The following LPP variants were observed in gnomAD, a reference collection of about 807,000 sequenced individuals.
The protein encoded by LPP is LIM domain containing preferred translocation partner in lipoma, also known as lipoma-preferred partner.
Under a neutral mutation model 60.4 loss-of-function variants are expected in LPP, and 38 were observed. The ratio of observed to expected loss-of-function variants is 0.63; its 90% CI spans 0.49 to 0.83. The LOEUF (loss-of-function observed/expected upper bound fraction) is 0.83. LPP is among the 40% of genes least tolerant of loss of function. The pLI is 0.00. For missense variants in LPP, 902 were observed against 783.6 expected (o/e 1.15, Z -1.80); for synonymous variants, 328 against 290.8 (o/e 1.13, Z -1.30).
At chr3:188,591,224 C>T (rs981983961) in intron 6 of LPP, among the ~76,000 whole-genome samples, 4 of 152,124 alleles carry the variant, frequency 2.6e-5, no homozygotes, top group Non-Finnish European at 2.9e-5. Flanking sequence ...ACTGCCCAAA[C>T]GAAATAAATC....
Position 188,609,294 on chromosome 3 carries a change from C to A in LPP, c.563C>A (p.Ala188Asp). ...STLKPQPAPQ[A>D]GPIPVAPIGT... is the part of the protein sequence containing the mutation. ...TTGAAACCACAGCCTGCACCCCAGG[C>A]TGGACCCATCCCTGTGGCTCCAATC... Residue 188 changes from alanine (A) to aspartate (D), a missense_variant, in exon 7 of 12, where the codon GCT (alanine) becomes GAT (aspartate). Physicochemically the swap from Ala to Asp is moderately radical, Grantham distance 126. Transcript: ENST00000617246. The surrounding 1 kb of genome is among the most constrained non-coding windows in gnomAD (Gnocchi z 6.9). 1 of 1,614,114 alleles carries A rather than the reference C, an allele frequency of 6.2e-7. No homozygotes were observed. Among genetic ancestry groups the A allele is most frequent in the Non-Finnish European group, 8.5e-7 (1 of 1,180,014 alleles).
intron 8 of LPP, among the ~76,000 whole-genome samples, chr3:188,739,858 A>G (rs1382447246): frequency 2.0e-5 from 3 of 152,028 alleles, no homozygotes; most frequent in Non-Finnish European, 4.4e-5. Flanking sequence ...TAATGACACA[A>G]TTTGACTGAG....
At chr3:188,228,626 A>G (rs1402693106) in intron 2 of LPP, among the ~76,000 whole-genome samples, 1 of 152,176 alleles carries the variant, frequency 6.6e-6, no homozygotes, top group African/African-American at 2.4e-5. Context: ...TCTACAACTA[A>G]ACAAACAAAA....
At chr3:188,223,087 A>G (rs1475653714) in intron 1 of LPP, among the ~76,000 whole-genome samples, 2 of 152,156 alleles carry the variant, frequency 1.3e-5, no homozygotes, top group Non-Finnish European at 2.9e-5. Context: ...CAACTCCATC[A>G]TTCCCTTTTG....
At chr3:188,326,606 T>A (rs1477684580) in intron 2 of LPP, among the ~76,000 whole-genome samples, 1 of 152,172 alleles carries the variant, frequency 6.6e-6, no homozygotes, top group Non-Finnish European at 1.5e-5. Flanking sequence ...ATAGTTAAAG[T>A]GGTTGTACTT....
chr3:188,798,716 A>G (rs536606936), intron 9 of LPP, among the ~76,000 whole-genome samples: 4 of 152,342 alleles, frequency 2.6e-5, no homozygotes, highest in Non-Finnish European at 5.9e-5. Context: ...ACCTTAATTA[A>G]TGTAGCCATA....
At chr3:188,534,797 T>C (rs1478989670) in intron 6 of LPP, among the ~76,000 whole-genome samples, 1 of 152,188 alleles carries the variant, frequency 6.6e-6, no homozygotes, top group Admixed American at 6.5e-5. Flanking sequence ...AGACAGAAGG[T>C]TGGAGGTGGT....
chr3:188,887,057 GTT>G lies in LPP; in HGVS notation c.*12579_*12580del, dbSNP rs1357731912. ...TTCTTGGTCATTATTGATGTATTGT[GTT>G]GCCACTTTGTATGGTGCCTGCTGTG... is the stretch of plus-strand genomic sequence containing the variant. On this transcript the variant is annotated 3_prime_UTR_variant, in exon 12 of 12. Coordinates refer to ENST00000617246, the MANE Select transcript of LPP (RefSeq NM_001375462.1). 4.3e-6 allele frequency: 1 copy of G among 230,676 alleles called. No individual in the cohort carries two copies. Among genetic ancestry groups the G allele is most frequent in the African/African-American group, 2.2e-5 (1 of 45,172 alleles). 14.3% of individuals were successfully genotyped at this position (230,676 alleles called of 1,614,324 possible).
intron 10 of LPP, among the ~76,000 whole-genome samples, chr3:188,869,883 C>T (rs1359025374): frequency 3.3e-5 from 5 of 152,302 alleles, no homozygotes; most frequent in Middle Eastern, 3.4e-3. Flanking sequence ...TTCAGATGAC[C>T]GCTGCAACCA....
chr3:188,777,292 T>TTTC (rs1163678022), intron 9 of LPP, among the ~76,000 whole-genome samples: 1 of 136,816 alleles, frequency 7.3e-6, no homozygotes, highest in African/African-American at 2.8e-5. Flanking sequence ...TGCATCTAGG[T>TTTC]TTTTTTTTTT....
intron 3 of LPP, among the ~76,000 whole-genome samples, chr3:188,353,286 A>G (rs969086481): frequency 1.3e-5 from 2 of 152,208 alleles, no homozygotes; most frequent in Admixed American, 1.3e-4. Context: ...ACACAGGATG[A>G]GCATCCAGTA....
At chr3:188,202,949 C>T (rs1235196657) in intron 1 of LPP, among the ~76,000 whole-genome samples, 6 of 151,454 alleles carry the variant, frequency 4.0e-5, no homozygotes, top group South Asian at 4.2e-4. Flanking sequence ...GGGAGCTGGC[C>T]GGGGAGCCAG....
chr3:188,304,593 G>A (rs1265185209), intron 2 of LPP, among the ~76,000 whole-genome samples: 2 of 152,000 alleles, frequency 1.3e-5, no homozygotes, highest in African/African-American at 4.8e-5. Flanking sequence ...TATCCTGAAC[G>A]AGTAGCCCAC....
At chr3:188,640,451 T>G (rs1849839340) in intron 7 of LPP, among the ~76,000 whole-genome samples, 2 of 149,448 alleles carry the variant, frequency 1.3e-5, no homozygotes, top group African/African-American at 4.9e-5. Flanking sequence ...CGCACCAGCA[T>G]GGCACATGTA....
At chr3:188,673,477 A>G (rs1857360044) in intron 7 of LPP, among the ~76,000 whole-genome samples, 1 of 152,180 alleles carries the variant, frequency 6.6e-6, no homozygotes, top group Non-Finnish European at 1.5e-5. Context: ...CACTTTCTCA[A>G]TACTTCCCCA....
chr3:188,275,647 A>G (rs1266578005), intron 2 of LPP, among the ~76,000 whole-genome samples: 1 of 151,902 alleles, frequency 6.6e-6, no homozygotes, highest in Non-Finnish European at 1.5e-5. Context: ...TCATTCATTT[A>G]GCTATTATTT....
chr3:188,447,648 G>T (rs1397190576), intron 4 of LPP, among the ~76,000 whole-genome samples: 3 of 150,908 alleles, frequency 2.0e-5, no homozygotes, highest in African/African-American at 7.3e-5. Flanking sequence ...TGTCATGGTG[G>T]CATGTAATCC....
At chr3:188,399,159 A>G (rs1444316123) in intron 3 of LPP, among the ~76,000 whole-genome samples, 1 of 152,204 alleles carries the variant, frequency 6.6e-6, no homozygotes, top group Non-Finnish European at 1.5e-5. Context: ...GAAGTTACAC[A>G]GTGGGCTCAT....
intron 2 of LPP, among the ~76,000 whole-genome samples, chr3:188,250,550 T>G (rs867816554): frequency 6.6e-6 from 1 of 152,170 alleles, no homozygotes; most frequent in African/African-American, 2.4e-5. Context: ...TTACCCTACA[T>G]TTTTTCCTAA....
Sources: gnomAD v4.1 joint callset for allele counts (sites outside exome capture counted in the v4.1 genomes callset) on GRCh38, gnomAD v4.1.1 for gene constraint, Gnocchi (gnomAD v3.1) non-coding constraint, MANE v1.5 for transcripts, NCBI Gene and HGNC (gene_info 2026-07-23, HGNC 2026-07-21) for gene names.